The following RNF135 variants were observed in gnomAD, a reference collection of about 807,000 sequenced individuals.
RNF135 encodes the protein ring finger protein 135.
RNF135 carries 46 observed loss-of-function variants against 41.9 expected under a neutral mutation model. That is an observed-to-expected ratio of 1.10 (90% CI 0.87 to 1.40). The LOEUF (loss-of-function observed/expected upper bound fraction) is 1.40. Among genes scored for constraint, RNF135 ranks in the 40% most tolerant of loss-of-function variants. RNF135 has a pLI of 0.00. For missense variants in RNF135, 539 were observed against 549.8 expected (o/e 0.98, Z 0.20); for synonymous variants, 238 against 223.8 (o/e 1.06, Z -0.57).
chr17:30,992,276 C>T (rs907996805), intron 3 of RNF135, among the ~76,000 whole-genome samples: 3 of 152,046 alleles, frequency 2.0e-5, no homozygotes, highest in Non-Finnish European at 1.5e-5. Flanking sequence ...CTGTTTTGCC[C>T]AGGCTGGTCT....
chr17:30,991,054 G>A (rs1277291845), intron 3 of RNF135, among the ~76,000 whole-genome samples: 1 of 152,142 alleles, frequency 6.6e-6, no homozygotes, highest in Non-Finnish European at 1.5e-5. Flanking sequence ...AAATTCATTT[G>A]TCATTTTGAT....
At chr17:30,968,110 G>A (rs888477876), upstream of RNF135, among the ~76,000 whole-genome samples, 4 of 151,710 alleles carry the variant, frequency 2.6e-5, no homozygotes, top group Middle Eastern at 3.2e-3. Context: ...TCAACATGGG[G>A]AAACCCCATC....
Position 30,971,419 on chromosome 17 carries a change from C to A in RNF135, c.346C>A (p.Pro116Thr). 3 of 1,515,850 alleles carry A rather than the reference C, an allele frequency of 2.0e-6. No individual in the cohort carries two copies. Among genetic ancestry groups the A allele is most frequent in the Non-Finnish European group, 1.8e-6 (2 of 1,139,224 alleles). 93.9% of individuals were successfully genotyped at this position (1,515,850 alleles called of 1,614,324 possible). A position where few individuals can be genotyped will look rare whatever the true frequency, so the allele number is the denominator to read the frequency against. ...TTCCCTCTCCAGCGCGGCCGCGAGG[C>A]CCCGGCGCCGCCCGGAACTGCAGCG... The part of the protein sequence containing the change: ...SSSLSSAAAR[P>T]RRRPELQRVA... Residue 116 changes from proline to threonine, a missense_variant, in exon 1 of 5, where the codon CCC (proline) becomes ACC (threonine). Transcript: ENST00000328381.
rs188405408 is a variant in RNF135 at position 30,973,882 on chromosome 17, A to G, written c.372+2437A>G. ...TCATTCTTTTGTATGTGGAAATCCA[A>G]TTGTCTTGGTACCATTTGTTGAAGA... On this transcript the variant is annotated intron_variant, in intron 1 of 4. Transcript: ENST00000328381. Among the ~76,000 whole-genome samples the G allele has an allele frequency of 7.9e-5, 12 of 152,184 alleles. No individual in the cohort carries two copies. The East Asian group carries it at 1.9e-3, about 24-fold the overall frequency.
At chr17:30,988,642 G>A (rs1907767140) in intron 3 of RNF135, among the ~76,000 whole-genome samples, 1 of 151,298 alleles carries the variant, frequency 6.6e-6, no homozygotes, top group South Asian at 2.1e-4. Context: ...TAACGAGGAT[G>A]GTCTCAATCT....
chr17:30,969,763 T>TC (rs1328748633), upstream of RNF135, among the ~76,000 whole-genome samples: 23 of 138,532 alleles, frequency 1.7e-4, no homozygotes, highest in African/African-American at 4.9e-4. Flanking sequence ...TTTTTTCTTT[T>TC]TTTTTTTTTT....
At chr17:30,961,149 T>C in the RNF135 span, among the ~76,000 whole-genome samples, 1 of 152,214 alleles carries the variant, frequency 6.6e-6, no homozygotes, top group Non-Finnish European at 1.5e-5. Context: ...TATTCCACTA[T>C]ATGGCTATAC....
intron 1 of RNF135, 40 bp from the exon 2 acceptor site, chr17:30,984,577 G>A (rs1261850829): frequency 6.2e-7 from 1 of 1,612,938 alleles, no homozygotes; most frequent in Non-Finnish European, 8.5e-7. Context: ...CCTGGGTCCA[G>A]TTTTATAGAA....
In RNF135 at chr17:30,998,864, C is replaced by T. The variant is rs758480776; in HGVS notation, c.972C>T (p.His324=). ...YWEVDTRNCS[H]WAVGVASWEM... is the part of the protein sequence containing the mutation. ...AAGTGGACACTAGGAATTGCAGCCA[C>T]TGGGCAGTTGGGGTGGCTTCCTGGG... is the stretch of plus-strand genomic sequence containing the variant. The change falls in exon 5 of 5, where the codon CAC becomes CAT. Residue 324 remains histidine (H), a synonymous_variant. Coordinates refer to ENST00000328381, the MANE Select transcript of RNF135 (RefSeq NM_032322.4). The T allele has an allele frequency of 1.9e-6, 3 of 1,612,608 alleles. No individual in the cohort carries two copies. The highest frequency in any genetic ancestry group is 2.7e-5 in the African/African-American group (2 of 74,864).
chr17:30,983,766 G>GA (rs1555573963), intron 1 of RNF135, among the ~76,000 whole-genome samples: 1 of 142,488 alleles, frequency 7.0e-6, no homozygotes, highest in Admixed American at 7.0e-5. Context: ...TGTTATTTTG[G>GA]TTTTTTTTTT....
the RNF135 span, among the ~76,000 whole-genome samples, chr17:30,963,389 T>C: frequency 4.2e-4 from 64 of 152,114 alleles, no homozygotes; most frequent in Middle Eastern, 3.4e-3. Context: ...GAGACCATCC[T>C]GGCTAACACG....
rs1353558383 is a variant in RNF135 at position 30,971,204 on chromosome 17, G to A, written c.131G>A (p.Cys44Tyr). ...TGCGGCCACAGCTTCTGCCGCCACT[G>A]CCTGGAGGCCCTGTGGGGCGCCCGC... ...LPCGHSFCRHCLEALWGARDA... is the reference protein window; with the variant it reads ...LPCGHSFCRHYLEALWGARDA... The change falls in exon 1 of 5, where the codon TGC becomes TAC. Residue 44 changes from cysteine (C) to tyrosine (Y), a missense_variant. Transcript: ENST00000328381. 3 of 1,522,766 alleles carry A rather than the reference G, an allele frequency of 2.0e-6. No individual in the cohort carries two copies. Among genetic ancestry groups the A allele is most frequent in the Non-Finnish European group, 2.6e-6 (3 of 1,141,740 alleles). 94.3% of individuals were successfully genotyped at this position (1,522,766 alleles called of 1,614,324 possible). A position where few individuals can be genotyped will look rare whatever the true frequency, so the allele number is the denominator to read the frequency against.
chr17:30,976,165 C>T (rs978151081), intron 1 of RNF135, among the ~76,000 whole-genome samples: 15 of 152,242 alleles, frequency 9.9e-5, no homozygotes, highest in African/African-American at 3.6e-4. Context: ...GCCACCACAC[C>T]TGGCTAATTT....
At chr17:30,962,560 G>A in the RNF135 span, among the ~76,000 whole-genome samples, 4 of 152,124 alleles carry the variant, frequency 2.6e-5, no homozygotes, top group African/African-American at 9.7e-5. Context: ...CCGCCTCTTG[G>A]GTTCATGCCA....
chr17:30,970,166 G>A (rs557689521), upstream of RNF135: 1 of 151,358 alleles, frequency 6.6e-6, no homozygotes, highest in African/African-American at 2.4e-5. Context: ...GTTACCATGA[G>A]AGCCTGCAAG....
the RNF135 span, among the ~76,000 whole-genome samples, chr17:30,961,508 G>A: frequency 6.6e-6 from 1 of 151,958 alleles, no homozygotes; most frequent in East Asian, 1.9e-4. Context: ...TGTCACCCAG[G>A]CTGGAGTGCA....
chr17:30,979,604 G>C (rs1437146201), intron 1 of RNF135, among the ~76,000 whole-genome samples: 3 of 124,764 alleles, frequency 2.4e-5, no homozygotes, highest in Non-Finnish European at 5.2e-5. Context: ...CCCAGTAGGG[G>C]CGGCCGGGCA....
At chr17:30,960,002 A>AG in the RNF135 span, among the ~76,000 whole-genome samples, 1 of 151,268 alleles carries the variant, frequency 6.6e-6, no homozygotes, top group East Asian at 1.9e-4. Context: ...AAAAAAAAAA[A>AG]GAAAAAGAAA....
intron 1 of RNF135, among the ~76,000 whole-genome samples, chr17:30,981,396 C>T (rs567360147): frequency 1.3e-5 from 2 of 152,146 alleles, no homozygotes; most frequent in East Asian, 1.9e-4. Context: ...GACTCTTAAC[C>T]GATTTTTAAT....
Sources: allele counts gnomAD v4.1 joint callset (sites outside exome capture counted in the v4.1 genomes callset), GRCh38; gene constraint gnomAD v4.1.1; transcripts MANE v1.5; gene names NCBI Gene and HGNC (gene_info 2026-07-23, HGNC 2026-07-21).